The following CDC14A variants were observed in gnomAD, a reference collection of about 807,000 sequenced individuals.
The protein encoded by CDC14A is dual specificity protein phosphatase CDC14A.
CDC14A carries 53 observed loss-of-function variants against 74.4 expected under a neutral mutation model. That is an observed-to-expected ratio of 0.71 (90% CI 0.57 to 0.89). The LOEUF (loss-of-function observed/expected upper bound fraction) is 0.89, where lower values mean the gene tolerates loss of function less well. Among genes scored for constraint, CDC14A ranks in the 40% least tolerant of loss-of-function variants. The pLI, the probability that CDC14A is intolerant of heterozygous loss-of-function variation, is 0.00. For synonymous variants in CDC14A, 247 were observed against 258.4 expected, an observed-to-expected ratio of 0.96 and a Z score of 0.43; for missense variants, 646 against 713.7, an observed-to-expected ratio of 0.91 and a Z score of 1.08.
chr1:100,351,336 G>A (rs1650966303), upstream of CDC14A, among the ~76,000 whole-genome samples: 1 of 152,140 alleles, frequency 6.6e-6, no homozygotes, highest in African/African-American at 2.4e-5. Flanking sequence ...GGAAAACGCC[G>A]CCACAAGTTT....
intron 13 of CDC14A, among the ~76,000 whole-genome samples, chr1:100,496,331 A>G (rs1343185819): frequency 6.6e-6 from 1 of 152,116 alleles, no homozygotes; most frequent in African/African-American, 2.4e-5. Context: ...CTAAGAAACT[A>G]CAGGTGCTCT....
At chr1:100,458,107 T>C (rs1440294320) in intron 8 of CDC14A, among the ~76,000 whole-genome samples, 1 of 152,334 alleles carries the variant, frequency 6.6e-6, no homozygotes. Context: ...ATATACATCA[T>C]CTATTTAATG....
chr1:100,517,521 C>T (rs1650329336), intron 15 of CDC14A, among the ~76,000 whole-genome samples: 1 of 152,168 alleles, frequency 6.6e-6, no homozygotes, highest in Non-Finnish European at 1.5e-5. Context: ...CTGTAACTCT[C>T]TATCTTTTCC....
intron 4 of CDC14A, among the ~76,000 whole-genome samples, chr1:100,409,832 T>C (rs927571273): frequency 1.3e-5 from 2 of 152,238 alleles, no homozygotes; most frequent in African/African-American, 4.8e-5. Flanking sequence ...CTAATAGTTA[T>C]CAGTTCCTAA....
intron 8 of CDC14A, among the ~76,000 whole-genome samples, chr1:100,458,435 CAT>C (rs1014458347): frequency 1.6e-4 from 25 of 152,232 alleles, no homozygotes; most frequent in African/African-American, 5.8e-4. Context: ...GTCATATTGA[CAT>C]AAAAAAATCT....
Position 100,463,861 on chromosome 1 carries a change from GCCTCGAGTT to G in CDC14A, c.838+985_838+993del, listed in dbSNP as rs1251745018. 2.0e-5 allele frequency among the ~76,000 whole-genome samples: 3 copies of G among 152,264 alleles called. No individual in the cohort carries two copies. In the East Asian group the frequency reaches 5.8e-4, roughly 29 times the overall value. ...ATCACTAGGGCCGCCCTGGGCTGGAGCCTCGAGTTCCTCATGTGCAGCTCCTCCTAGTGT... is the reference window on the plus strand; with the variant it reads ...ATCACTAGGGCCGCCCTGGGCTGGAGCCTCATGTGCAGCTCCTCCTAGTGT... On this transcript the variant is annotated intron_variant, in intron 9 of 15. Coordinates refer to ENST00000336454, the MANE Select transcript of CDC14A (RefSeq NM_003672.4).
intron 8 of CDC14A, among the ~76,000 whole-genome samples, chr1:100,459,089 A>C (rs1557781757): frequency 7.4e-6 from 1 of 135,418 alleles, no homozygotes; most frequent in East Asian, 2.0e-4. Flanking sequence ...CTATTTAAAC[A>C]CACACACACA....
At chr1:100,433,326 A>T (rs1225568090) in intron 5 of CDC14A, among the ~76,000 whole-genome samples, 1 of 152,098 alleles carries the variant, frequency 6.6e-6, no homozygotes, top group Non-Finnish European at 1.5e-5. Flanking sequence ...ACTGTACTAT[A>T]CTCTGGGCCA....
intron 7 of CDC14A, among the ~76,000 whole-genome samples, chr1:100,450,937 G>A (rs1666079128): frequency 6.6e-6 from 1 of 152,060 alleles, no homozygotes; most frequent in Non-Finnish European, 1.5e-5. Context: ...CTTCCTACTT[G>A]GTTTATTCTA....
intron 2 of CDC14A, among the ~76,000 whole-genome samples, chr1:100,364,271 G>A (rs1653229703): frequency 2.0e-5 from 3 of 151,298 alleles, no homozygotes; most frequent in South Asian, 2.1e-4. Context: ...GCAGTGGCCC[G>A]ATGTCGGCTC....
chr1:100,385,030 A>T (rs1177151147), intron 3 of CDC14A, among the ~76,000 whole-genome samples: 1 of 152,226 alleles, frequency 6.6e-6, no homozygotes, highest in Non-Finnish European at 1.5e-5. Context: ...GAATGCATGA[A>T]TTTACAAATT....
chr1:100,455,919 G>A (rs928742633), intron 8 of CDC14A, among the ~76,000 whole-genome samples: 5 of 152,138 alleles, frequency 3.3e-5, no homozygotes, highest in Non-Finnish European at 4.4e-5. Flanking sequence ...TGAATACTTA[G>A]GTGCTAGTTA....
chr1:100,418,881 A>G (rs1661887252), intron 4 of CDC14A, among the ~76,000 whole-genome samples: 1 of 152,116 alleles, frequency 6.6e-6, no homozygotes, highest in Non-Finnish European at 1.5e-5. Flanking sequence ...GATCTACCCC[A>G]TAATTGAAAG....
At chr1:100,356,423 A>C (rs1290663106) in intron 2 of CDC14A, among the ~76,000 whole-genome samples, 1 of 152,086 alleles carries the variant, frequency 6.6e-6, no homozygotes. Flanking sequence ...CACTTGCCCA[A>C]GGTCACAGAA....
At chr1:100,439,014 TG>T (rs1275751318) in intron 5 of CDC14A, among the ~76,000 whole-genome samples, 1 of 152,216 alleles carries the variant, frequency 6.6e-6, no homozygotes, top group East Asian at 1.9e-4. Context: ...TCGGACACCT[TG>T]GAACACTGTA....
chr1:100,512,192 A>G (rs1234798185), intron 15 of CDC14A, among the ~76,000 whole-genome samples: 1 of 151,762 alleles, frequency 6.6e-6, no homozygotes, highest in Non-Finnish European at 1.5e-5. Context: ...GAGCGCTGAC[A>G]CTCTCATATT....
At chr1:100,451,845 T>G (rs1408372015) in intron 7 of CDC14A, among the ~76,000 whole-genome samples, 3 of 152,230 alleles carry the variant, frequency 2.0e-5, no homozygotes, top group Non-Finnish European at 4.4e-5. Flanking sequence ...GTCAGTGGTA[T>G]CCACATATTT....
chr1:100,517,207 T>C (rs1244460488), intron 15 of CDC14A, among the ~76,000 whole-genome samples: 1 of 152,234 alleles, frequency 6.6e-6, no homozygotes, highest in Non-Finnish European at 1.5e-5. Context: ...AAAAGATAGC[T>C]TGAATCCTTT....
At chr1:100,498,310 G>T in intron 14 of CDC14A, 103 bp downstream of exon 14, 1 of 1,311,152 alleles carries the variant, frequency 7.6e-7, no homozygotes, top group East Asian at 2.3e-5. Flanking sequence ...GGACAAGGGA[G>T]AAGAGGAGAA....
Sources: allele counts gnomAD v4.1 joint callset (sites outside exome capture counted in the v4.1 genomes callset), GRCh38; gene constraint gnomAD v4.1.1; transcripts MANE v1.5; gene names NCBI Gene and HGNC (gene_info 2026-07-23, HGNC 2026-07-21).